WDR89: variants seen among roughly 807,000 people sequenced by gnomAD.
The protein encoded by WDR89 is WD repeat-containing protein 89.
In WDR89, 17 loss-of-function variants were observed where a neutral mutation model predicts 29.1. That is an observed-to-expected ratio of 0.58 (90% CI 0.40 to 0.88). The LOEUF is 0.88. Ranked by LOEUF, WDR89 falls within the 40% of genes least tolerant of loss-of-function variation. The probability of loss-of-function intolerance (pLI) is 0.00; values close to 1 mark genes in which losing one functional copy is unlikely to be tolerated. For synonymous variants in WDR89, 138 were observed against 157.8 expected (o/e 0.87, Z 0.94); for missense variants, 396 against 456.3 (o/e 0.87, Z 1.20).
At chr14:63,630,232 G>A (rs190552520) in intron 1 of WDR89, among the ~76,000 whole-genome samples, 1 of 151,674 alleles carries the variant, frequency 6.6e-6, no homozygotes, top group Non-Finnish European at 1.5e-5. Context: ...ACAGGCGTGA[G>A]CCACTGCACC....
At position 63,599,792 on chromosome 14, in the gene WDR89, A is replaced by C; in HGVS notation, c.151T>G (p.Ser51Ala). ...NLVAVLCSNG[S>A]IRIYDKERLN... Reference sequence around the variant, plus strand: ...CTTTCTTTATCATATATTCTGATTGATCCATTAGAACATAAAACAGCAACC... The same window carrying C: ...CTTTCTTTATCATATATTCTGATTGCTCCATTAGAACATAAAACAGCAACC... The change falls in exon 3 of 3, where the codon TCA (serine) becomes GCA (alanine). Residue 51 changes from serine (S) to alanine (A), a missense_variant. Ser to Ala is a moderately conservative substitution (Grantham distance 99). Transcript: ENST00000620954. The C allele has an allele frequency of 6.2e-7, 1 of 1,614,138 alleles. No individual in the cohort carries two copies. The highest frequency in any genetic ancestry group is 8.5e-7 in the Non-Finnish European group (1 of 1,180,026).
At chr14:63,611,476 A>G (rs1183645428) in intron 2 of WDR89, among the ~76,000 whole-genome samples, 1 of 152,018 alleles carries the variant, frequency 6.6e-6, no homozygotes, top group Admixed American at 6.6e-5. Context: ...TGGACTAGTA[A>G]AAGGACATTC....
rs564634395 is a variant in WDR89 at position 63,623,432 on chromosome 14, G to T, written c.-32+1496C>A. 1.6e-3 allele frequency among the ~76,000 whole-genome samples: 238 copies of T among 151,878 alleles called. 1 individual carries two copies. Among genetic ancestry groups the T allele is most frequent in the African/African-American group, 5.6e-3 (230 of 41,438 alleles). On this transcript the variant is annotated intron_variant, in intron 2 of 2. Transcript: ENST00000620954. ...AATCCAACTATACCTGGCCGGGCAT[G>T]GTGGTTCACGCCTGTAATCCCAGCA...
At chr14:63,618,782 T>C (rs1352366308) in intron 2 of WDR89, among the ~76,000 whole-genome samples, 1 of 152,070 alleles carries the variant, frequency 6.6e-6, no homozygotes, top group Non-Finnish European at 1.5e-5. Context: ...AATGTCATAA[T>C]GCTGGGGATA....
At chr14:63,640,115 T>C (rs1217290862) in intron 1 of WDR89, among the ~76,000 whole-genome samples, 1 of 152,218 alleles carries the variant, frequency 6.6e-6, no homozygotes, top group Non-Finnish European at 1.5e-5. Context: ...TATTCCTGAA[T>C]ACTGAACAAG....
At chr14:63,631,350 C>T (rs1332202233) in intron 1 of WDR89, among the ~76,000 whole-genome samples, 1 of 151,840 alleles carries the variant, frequency 6.6e-6, no homozygotes, top group Non-Finnish European at 1.5e-5. Context: ...ACTGTGAATA[C>T]TGTATTATAG....
chr14:63,598,669 G>T lies in WDR89; in HGVS notation c.*110C>A. The T allele has an allele frequency of 1.0e-6, 1 of 993,690 alleles. No individual in the cohort carries two copies. The highest frequency in any genetic ancestry group is 1.4e-6 in the Non-Finnish European group (1 of 725,096). The allele number at this position is 993,690 out of a possible 1,614,324, so 61.6% of individuals were successfully genotyped here. On this transcript the variant is annotated 3_prime_UTR_variant, in exon 3 of 3. Coordinates refer to ENST00000620954, the MANE Select transcript of WDR89 (RefSeq NM_080666.4). ...TCACCATATTTTTCCAGGACTGTTT[G>T]CTAACTGGCTTGTTTTTACATAAAG... is the stretch of plus-strand genomic sequence containing the variant.
At chr14:63,641,254 T>C (rs1484870611) in intron 1 of WDR89, 1 of 152,214 alleles carries the variant, frequency 6.6e-6, no homozygotes, top group Non-Finnish European at 1.5e-5. Flanking sequence ...ATGAGTAATG[T>C]CTAACACTGC....
intron 2 of WDR89, among the ~76,000 whole-genome samples, chr14:63,622,200 C>A (rs571201920): frequency 6.6e-6 from 1 of 151,784 alleles, no homozygotes; most frequent in Non-Finnish European, 1.5e-5. Context: ...TTTGGAAGGC[C>A]GAGGTGGGTG....
intron 2 of WDR89, among the ~76,000 whole-genome samples, chr14:63,608,851 C>A (rs60990632): frequency 0.022 from 3,274 of 152,268 alleles, 113 homozygotes; most frequent in African/African-American, 0.075. Context: ...CGCCTATAAT[C>A]TCAGTGCTTT....
chr14:63,623,703 CAAAAAAAAAAAAAA>C (rs34839479), intron 2 of WDR89, among the ~76,000 whole-genome samples: 1 of 39,068 alleles, frequency 2.6e-5, no homozygotes, highest in African/African-American at 8.0e-5. Context: ...GACTCTGTCT[CAAAAAAAAAAAAAA>C]AAAAAAAAAA....
intron 1 of WDR89, chr14:63,641,342 T>C (rs892719979): frequency 1.3e-5 from 2 of 152,222 alleles, no homozygotes; most frequent in African/African-American, 4.8e-5. Flanking sequence ...ATAGACCAGT[T>C]GCTGGTATCA....
intron 2 of WDR89, among the ~76,000 whole-genome samples, chr14:63,607,816 G>A (rs921345976): frequency 6.7e-6 from 1 of 150,260 alleles, no homozygotes; most frequent in African/African-American, 2.5e-5. Flanking sequence ...AGGAGGCGGA[G>A]TTTGCAGTGA....
At position 63,599,820 on chromosome 14, in the gene WDR89, G is replaced by C. The variant is rs758096970; in HGVS notation, c.123C>G (p.Asn41Lys). ...TSKTVQAGKE[N>K]LVAVLCSNGS... The stretch of plus-strand genomic sequence containing the variant: ...CATTAGAACATAAAACAGCAACCAA[G>C]TTTTCCTTTCCTGCTTGGACAGTCT... The change falls in exon 3 of 3, where the codon AAC becomes AAG. Residue 41 changes from asparagine to lysine, a missense_variant. Coordinates refer to ENST00000620954, the MANE Select transcript of WDR89 (RefSeq NM_080666.4). The C allele has an allele frequency of 1.9e-6, 3 of 1,614,038 alleles. No homozygotes were observed. Among genetic ancestry groups the C allele is most frequent in the Non-Finnish European group, 2.5e-6 (3 of 1,180,000 alleles).
chr14:63,601,414 G>T, intron 2 of WDR89: 1 of 773,386 alleles, frequency 1.3e-6, no homozygotes. Flanking sequence ...GCTGTATGTA[G>T]GACAAGTTCA....
chr14:63,621,095 A>AC (rs1555374973), intron 2 of WDR89, among the ~76,000 whole-genome samples: 3 of 152,062 alleles, frequency 2.0e-5, no homozygotes, highest in Non-Finnish European at 4.4e-5. Context: ...TAAAAAATAC[A>AC]TTTTTTTAAA....
chr14:63,609,934 T>C (rs965417683), intron 2 of WDR89, among the ~76,000 whole-genome samples: 3 of 152,212 alleles, frequency 2.0e-5, no homozygotes, highest in Middle Eastern at 3.4e-3. Flanking sequence ...CCAATCAAAA[T>C]GTTTAGGATT....
At chr14:63,601,880 C>G in intron 2 of WDR89, 1 of 609,612 alleles carries the variant, frequency 1.6e-6, no homozygotes, top group Non-Finnish European at 2.9e-6. Context: ...TGAAATCTTT[C>G]ATCATGTAAA....
chr14:63,627,873 G>A (rs193005381), intron 1 of WDR89, among the ~76,000 whole-genome samples: 23 of 152,236 alleles, frequency 1.5e-4, no homozygotes, highest in African/African-American at 3.4e-4. Flanking sequence ...GATCGCTTGA[G>A]CCCAGGAGGT....
Sources: gnomAD v4.1 joint callset for allele counts (sites outside exome capture counted in the v4.1 genomes callset) on GRCh38, gnomAD v4.1.1 for gene constraint, MANE v1.5 for transcripts, NCBI Gene and HGNC (gene_info 2026-07-23, HGNC 2026-07-21) for gene names.